Variants in ASTN2 observed in about 807,000 individuals in gnomAD.
ASTN2 encodes astrotactin 2, also known as astrotactin-2.
A neutral mutation model predicts 139.8 loss-of-function variants in ASTN2; 54 were observed. That is an observed-to-expected ratio of 0.39 (90% CI 0.31 to 0.48). ASTN2 has a LOEUF of 0.48. Among genes scored for constraint, ASTN2 ranks in the 20% least tolerant of loss-of-function variants. The pLI is 0.95. For synonymous variants in ASTN2, 756 were observed against 719.5 expected (o/e 1.05, Z -0.81); for missense variants, 1,565 against 1,725.1 (o/e 0.91, Z 1.64).
chr9:116,676,413 G>A (rs951238371), intron 16 of ASTN2, among the ~76,000 whole-genome samples: 1 of 152,146 alleles, frequency 6.6e-6, no homozygotes, highest in Non-Finnish European at 1.5e-5. Context: ...GATAGAATGT[G>A]GATTTAGGAT....
intron 10 of ASTN2, among the ~76,000 whole-genome samples, chr9:116,880,646 CA>C (rs1833429049): frequency 6.6e-6 from 1 of 152,130 alleles, no homozygotes; most frequent in Non-Finnish European, 1.5e-5. Flanking sequence ...GGGTAAAATA[CA>C]TAAGATAATG....
At chr9:116,948,566 G>A (rs545200867) in intron 10 of ASTN2, among the ~76,000 whole-genome samples, 1 of 152,090 alleles carries the variant, frequency 6.6e-6, no homozygotes, top group South Asian at 2.1e-4. Flanking sequence ...ATTGTTTTTA[G>A]TAGAAGTGGT....
At chr9:116,941,324 CT>C (rs938861436) in intron 10 of ASTN2, among the ~76,000 whole-genome samples, 1 of 149,888 alleles carries the variant, frequency 6.7e-6, no homozygotes, top group African/African-American at 2.5e-5. Context: ...TTTTTTAAGT[CT>C]TTTATTCTGG....
chr9:116,581,269 G>T (rs893248248), intron 19 of ASTN2, among the ~76,000 whole-genome samples: 1 of 152,024 alleles, frequency 6.6e-6, no homozygotes, highest in Non-Finnish European at 1.5e-5. Context: ...AAGGGGAGTG[G>T]CCTCTGGAAT....
chr9:117,056,479 G>A lies in ASTN2; in HGVS notation c.1277-16514C>T, dbSNP rs116237408. On this transcript the variant is annotated intron_variant, in intron 5 of 22. Transcript: ENST00000313400. ...CCAGGCACAGCTCTGCCTTGAAGGA[G>A]CCACAGAGAGACAAGTGAGAAGGTC... is the stretch of plus-strand genomic sequence containing the variant. Among the ~76,000 whole-genome samples, 492 of 152,292 alleles carry A rather than the reference G, an allele frequency of 3.2e-3. 2 individuals are homozygous for A. Among genetic ancestry groups the A allele is most frequent in the African/African-American group, 0.011 (477 of 41,560 alleles).
At chr9:116,450,641 T>G (rs758126985) in intron 20 of ASTN2, among the ~76,000 whole-genome samples, 1 of 152,074 alleles carries the variant, frequency 6.6e-6, no homozygotes, top group African/African-American at 2.4e-5. Context: ...ATGTCCAAAC[T>G]TCCCCCCAGC....
intron 5 of ASTN2, among the ~76,000 whole-genome samples, chr9:117,040,234 T>G (rs1294585209): frequency 6.6e-6 from 1 of 152,200 alleles, no homozygotes; most frequent in African/African-American, 2.4e-5. Flanking sequence ...ATGGCAATTT[T>G]CACTCCTCCC....
chr9:116,923,344 T>C (rs1275730858), intron 10 of ASTN2, among the ~76,000 whole-genome samples: 1 of 152,196 alleles, frequency 6.6e-6, no homozygotes, highest in Non-Finnish European at 1.5e-5. Context: ...CCCCCAGGTT[T>C]GGGTTGATCA....
chr9:116,452,808 T>C (rs1421233417), intron 20 of ASTN2, among the ~76,000 whole-genome samples: 1 of 152,242 alleles, frequency 6.6e-6, no homozygotes, highest in Non-Finnish European at 1.5e-5. Flanking sequence ...CAGAGGAAGT[T>C]AAAGTTTATT....
At position 116,698,013 on chromosome 9, in the gene ASTN2, C is replaced by A; in HGVS notation, c.2806+27758G>T. On this transcript the variant is annotated intron_variant, in intron 16 of 22. Transcript: ENST00000313400. This position sits in a 1 kb window ranked among gnomAD's most constrained non-coding sequence, Gnocchi z 4.4. ...GCTAAAGATCATTGATACAGCTGGG[C>A]TCAGCGAGGCTGTGGGGCTGCTCAT... is the stretch of plus-strand genomic sequence containing the variant. The A allele has an allele frequency of 6.2e-7, 1 of 1,614,082 alleles. No homozygotes were observed. The highest frequency in any genetic ancestry group is 8.5e-7 in the Non-Finnish European group (1 of 1,180,048).
At chr9:116,737,996 T>G (rs1828986463) in intron 13 of ASTN2, among the ~76,000 whole-genome samples, 1 of 149,348 alleles carries the variant, frequency 6.7e-6, no homozygotes, top group Admixed American at 6.7e-5. Context: ...ATCGAGACCA[T>G]CCTGGCTAAC....
chr9:116,942,980 A>G (rs1835282865), intron 10 of ASTN2, among the ~76,000 whole-genome samples: 1 of 152,248 alleles, frequency 6.6e-6, no homozygotes, highest in Non-Finnish European at 1.5e-5. Context: ...TGTACACTAC[A>G]GAAATGTCAG....
At chr9:117,200,713 G>A (rs909903259) in intron 3 of ASTN2, among the ~76,000 whole-genome samples, 4 of 152,058 alleles carry the variant, frequency 2.6e-5, no homozygotes, top group Non-Finnish European at 2.9e-5. Context: ...GGATGAAGCC[G>A]ACTTAATCAT....
rs115502696 is a variant in ASTN2, at chr9:117,229,114, A to G, written c.631-14372T>C. Among the ~76,000 whole-genome samples the G allele has an allele frequency of 3.3e-3, 505 of 152,226 alleles. 3 individuals carry two copies. Among genetic ancestry groups the G allele is most frequent in the African/African-American group, 0.012 (486 of 41,544 alleles). ...AGCTACCTGTCACCTTACCCTTAAC[A>G]ACTCCTCTCATCCCTGAGATAATTT... On this transcript the variant is annotated intron_variant, in intron 2 of 22. Coordinates refer to ENST00000313400, the MANE Select transcript of ASTN2 (RefSeq NM_001365068.1).
Position 116,540,988 on chromosome 9 carries a change from T to A in ASTN2, c.3356-53488A>T, listed in dbSNP as rs545300763. ...TAGTTTTGAAACTAGGGGAAAAAGT[T>A]TGAATGCCACATCTAATGAAAAAAA... On this transcript the variant is annotated intron_variant, in intron 19 of 22. Coordinates refer to ENST00000313400, the MANE Select transcript of ASTN2 (RefSeq NM_001365068.1). Among the ~76,000 whole-genome samples, 30 of 151,900 alleles carry A rather than the reference T, an allele frequency of 2.0e-4. 1 individual carries two copies. Among genetic ancestry groups the A allele is most frequent in the Admixed American group, 9.2e-4 (14 of 15,246 alleles).
intron 11 of ASTN2, among the ~76,000 whole-genome samples, chr9:116,828,465 C>T (rs932100020): frequency 4.6e-5 from 7 of 151,788 alleles, no homozygotes; most frequent in Non-Finnish European, 7.4e-5. Flanking sequence ...GGAAAAAAGC[C>T]ATACAATAAT....
intron 17 of ASTN2, among the ~76,000 whole-genome samples, chr9:116,650,918 C>CT (rs753094674): frequency 0.028 from 3,918 of 142,336 alleles, 148 homozygotes; most frequent in African/African-American, 0.089. Context: ...CCCTGCACTA[C>CT]TTTTTTTTTT....
At chr9:116,439,825 C>G (rs896176852) in intron 22 of ASTN2, among the ~76,000 whole-genome samples, 1 of 152,222 alleles carries the variant, frequency 6.6e-6, no homozygotes, top group Non-Finnish European at 1.5e-5. Context: ...GAGTTCTGTT[C>G]TTCTGCTATC....
intron 1 of ASTN2, among the ~76,000 whole-genome samples, chr9:117,316,280 C>T (rs950540527): frequency 1.3e-5 from 2 of 152,124 alleles, no homozygotes; most frequent in African/African-American, 4.8e-5. Flanking sequence ...TGGTCTGTGC[C>T]TGGGGATATC....
Sources: gnomAD v4.1 joint callset for allele counts (sites outside exome capture counted in the v4.1 genomes callset) on GRCh38, gnomAD v4.1.1 for gene constraint, Gnocchi (gnomAD v3.1) non-coding constraint, MANE v1.5 for transcripts, NCBI Gene and HGNC (gene_info 2026-07-23, HGNC 2026-07-21) for gene names.